Variants in ULK2 observed in about 807,000 individuals in gnomAD.
ULK2 encodes unc-51 like autophagy activating kinase 2.
In ULK2, 76 loss-of-function variants were observed where a neutral mutation model predicts 127.5. The observed-to-expected ratio is 0.60, with a 90% CI of 0.50 to 0.72. The LOEUF is 0.72. ULK2 is among the 30% of genes least tolerant of loss of function. ULK2 has a pLI of 0.00. For missense variants in ULK2, 1,144 were observed against 1,295.9 expected (o/e 0.88, Z 1.80); for synonymous variants, 452 against 461.9 (o/e 0.98, Z 0.28).
intron 16 of ULK2, 40 bp downstream of exon 16, chr17:19,801,736 GA>G (rs368075323): frequency 1.2e-6 from 2 of 1,605,896 alleles, no homozygotes; most frequent in Admixed American, 1.8e-5. Context: ...TTATTACAGT[GA>G]AAAAAAGGTT....
intron 12 of ULK2, among the ~76,000 whole-genome samples, chr17:19,819,924 G>A (rs536385454): frequency 1.2e-4 from 19 of 152,198 alleles, no homozygotes; most frequent in African/African-American, 4.6e-4. Context: ...CTCTAGTGGA[G>A]ACCTCTGTAT....
chr17:19,779,945 G>C (rs1036344224), intron 25 of ULK2, among the ~76,000 whole-genome samples: 2 of 152,224 alleles, frequency 1.3e-5, no homozygotes, highest in Middle Eastern at 6.8e-3. Context: ...AGGCTAAGGA[G>C]GGTGGAACAC....
At chr17:19,818,395 G>C (rs540376503) in intron 12 of ULK2, among the ~76,000 whole-genome samples, 2 of 151,784 alleles carry the variant, frequency 1.3e-5, no homozygotes, top group South Asian at 4.2e-4. Flanking sequence ...AGTTCAGACA[G>C]GTAATTTGCC....
At chr17:19,807,979 A>G (rs985439207) in intron 14 of ULK2, among the ~76,000 whole-genome samples, 6 of 152,104 alleles carry the variant, frequency 3.9e-5, no homozygotes, top group African/African-American at 1.2e-4. Flanking sequence ...GGTGGCGGGT[A>G]CCTGTAATCC....
In ULK2 at chr17:19,841,588, GC is replaced by G. The variant is rs2152397036; in HGVS notation, c.646-42del. The G allele has an allele frequency of 4.0e-6, 6 of 1,483,292 alleles. No homozygotes were observed. In the East Asian group the frequency reaches 1.4e-4, roughly 35 times the overall value. The allele number at this position is 1,483,292 out of a possible 1,614,324, so 91.9% of individuals were successfully genotyped here. ...AGGTTTAATTTCCTAAACAATGGGG[GC>G]AAAACTTTCAAATCATATGATTGAC... On this transcript the variant is annotated intron_variant, in intron 8 of 26. Transcript: ENST00000395544.
rs1332771725 is a variant in ULK2, at chr17:19,780,357, T to G, written c.2916+115A>C. ...TTCTTTAGTAGAAGGCAATCCACAA[T>G]ACTTGGGACTTGAGACATTATCTTT... is the stretch of plus-strand genomic sequence containing the variant. On this transcript the variant is annotated intron_variant, in intron 25 of 26. Transcript: ENST00000395544. 3.2e-6 allele frequency: 3 copies of G among 948,766 alleles called. No homozygotes were observed. In the African/African-American group the frequency reaches 5.1e-5, roughly 16 times the overall value. 58.8% of individuals were successfully genotyped at this position (948,766 alleles called of 1,614,324 possible).
rs370012104 is a variant in ULK2 at position 19,825,085 on chromosome 17, G to A, written c.924+9C>T. 3.1e-6 allele frequency: 5 copies of A among 1,612,710 alleles called. No individual in the cohort carries two copies. In the African/African-American group the frequency reaches 6.7e-5, roughly 22 times the overall value. Reference sequence around the variant, plus strand: ...ACTCTGAAATTATTTTTAATAAACTGTAACTTACTGGTGGAGAAGCAAAAC... The same window carrying A: ...ACTCTGAAATTATTTTTAATAAACTATAACTTACTGGTGGAGAAGCAAAAC... On this transcript the variant is annotated intron_variant, in intron 12 of 26. Transcript: ENST00000395544.
chr17:19,816,664 A>G (rs990224218), intron 13 of ULK2, 85 bp downstream of exon 13: 3 of 1,249,082 alleles, frequency 2.4e-6, no homozygotes, highest in African/African-American at 1.6e-5. Flanking sequence ...GCCCTACACA[A>G]GAAAGTGTAA....
chr17:19,828,469 T>TAA (rs1271754893), intron 10 of ULK2, among the ~76,000 whole-genome samples: 2 of 152,098 alleles, frequency 1.3e-5, no homozygotes, highest in Non-Finnish European at 1.5e-5. Flanking sequence ...GATATCAACA[T>TAA]AAAGGGGGTA....
At chr17:19,776,587 C>G (rs1054642420) in intron 26 of ULK2, among the ~76,000 whole-genome samples, 180 bp from the exon 27 acceptor site, 1 of 152,106 alleles carries the variant, frequency 6.6e-6, no homozygotes, top group East Asian at 1.9e-4. Flanking sequence ...GTAAGCACAT[C>G]AGCTAGCTTG....
chr17:19,814,456 T>TTTTTTTTTTTGTTTGTTTG (rs1555557161), intron 13 of ULK2, among the ~76,000 whole-genome samples: 2 of 18,258 alleles, frequency 1.1e-4, no homozygotes, highest in Non-Finnish European at 1.1e-4. Context: ...TTTTTTTTTT[T>TTTTTTTTTTTGTTTGTTTG]TTTTTTTGGA....
At chr17:19,828,776 T>G (rs911409647) in intron 10 of ULK2, among the ~76,000 whole-genome samples, 18 of 152,192 alleles carry the variant, frequency 1.2e-4, no homozygotes, top group Non-Finnish European at 2.1e-4. Context: ...CAAAGTAGAT[T>G]AAAAGGAAAT....
intron 12 of ULK2, among the ~76,000 whole-genome samples, chr17:19,820,346 C>A (rs1351838397): frequency 2.0e-5 from 3 of 152,180 alleles, no homozygotes; most frequent in African/African-American, 7.2e-5. Context: ...CGTGTCCGGC[C>A]TAGCTCACTA....
In ULK2 at chr17:19,865,817, CCAAT is replaced by C. The variant is rs2042339576; in HGVS notation, c.98_101del (p.Asp33GlyfsTer3). On this transcript the variant is annotated frameshift_variant, in exon 2 of 27. Coordinates refer to ENST00000395544, the MANE Select transcript of ULK2 (RefSeq NM_014683.4). LOFTEE classifies it high-confidence loss of function. ...TATTAATACTTTTAATAGCTACCTC[CCAAT>C]CAGTTTTCTGAAAAGGAAAAACAGT... 1 of 1,558,178 alleles carries C rather than the reference CCAAT, an allele frequency of 6.4e-7. No homozygotes were observed. Among genetic ancestry groups the C allele is most frequent in the Non-Finnish European group, 8.8e-7 (1 of 1,139,568 alleles).
intron 3 of ULK2, among the ~76,000 whole-genome samples, 160 bp from the exon 4 acceptor site, chr17:19,849,934 G>C (rs2041975773): frequency 6.6e-6 from 1 of 152,150 alleles, no homozygotes; most frequent in African/African-American, 2.4e-5. Flanking sequence ...ACACAATGAT[G>C]TAATTATCTC....
At position 19,833,116 on chromosome 17, in the gene ULK2, T is replaced by C. The variant is rs1014311634; in HGVS notation, c.787+5385A>G. The stretch of plus-strand genomic sequence containing the variant: ...CCAGCCTGGGCGACACAGTAAGACT[T>C]TGTCTCAAAGGAAAAAAAAAAAAAA... On this transcript the variant is annotated intron_variant, in intron 10 of 26. Transcript: ENST00000395544. Among the ~76,000 whole-genome samples, 13 of 105,488 alleles carry C rather than the reference T, an allele frequency of 1.2e-4. No homozygotes were observed. In the South Asian group the frequency reaches 3.4e-3, roughly 27 times the overall value. The allele number at this position is 105,488 out of a possible 152,430, so 69.2% of individuals were successfully genotyped here.
intron 10 of ULK2, among the ~76,000 whole-genome samples, chr17:19,837,858 G>GCA (rs1323645655): frequency 6.6e-6 from 1 of 152,156 alleles, no homozygotes; most frequent in Non-Finnish European, 1.5e-5. Flanking sequence ...CCCCTTACAT[G>GCA]CACACAGTCT....
intron 2 of ULK2, 86 bp downstream of exon 2, chr17:19,865,650 C>T: frequency 1.3e-6 from 1 of 770,566 alleles, no homozygotes. Flanking sequence ...TTGGACCCAA[C>T]TACCAAAATT....
At chr17:19,840,327 T>G (rs761179828) in intron 9 of ULK2, 21 of 526,180 alleles carry the variant, frequency 4.0e-5, no homozygotes, top group Non-Finnish European at 8.1e-5. Flanking sequence ...CTTGATTCGT[T>G]GGACCTATGC....
Sources: allele counts gnomAD v4.1 joint callset (sites outside exome capture counted in the v4.1 genomes callset), GRCh38; gene constraint gnomAD v4.1.1; transcripts MANE v1.5; gene names NCBI Gene and HGNC (gene_info 2026-07-23, HGNC 2026-07-21).